ARSG: variants seen among roughly 807,000 people sequenced by gnomAD.
ARSG encodes arylsulfatase G.
ARSG carries 37 observed loss-of-function variants against 50.5 expected under a neutral mutation model. The observed-to-expected ratio is 0.73, with a 90% CI of 0.56 to 0.96. The LOEUF (loss-of-function observed/expected upper bound fraction) is 0.96, where lower values mean the gene tolerates loss of function less well. ARSG is among the 50% of genes least tolerant of loss of function. The pLI, the probability that ARSG is intolerant of heterozygous loss-of-function variation, is 0.00. For missense variants in ARSG, 629 were observed against 675.3 expected, an observed-to-expected ratio of 0.93 and a Z score of 0.76; for synonymous variants, 225 against 254.6, an observed-to-expected ratio of 0.88 and a Z score of 1.11.
At chr17:68,304,943 G>T (rs2076552503) in intron 1 of ARSG, among the ~76,000 whole-genome samples, 1 of 152,184 alleles carries the variant, frequency 6.6e-6, no homozygotes, top group South Asian at 2.1e-4. Flanking sequence ...AGAGGTTGAG[G>T]TGGGAGGATC....
intron 2 of ARSG, among the ~76,000 whole-genome samples, chr17:68,312,881 G>A (rs559849346): frequency 8.5e-5 from 13 of 152,266 alleles, no homozygotes; most frequent in African/African-American, 2.6e-4. Context: ...AAGCCACCAC[G>A]CCCGGTTCTG....
downstream of ARSG, chr17:68,421,382 GTCTC>G (rs958734856): frequency 5.7e-6 from 1 of 173,982 alleles, no homozygotes; most frequent in Non-Finnish European, 1.2e-5. Flanking sequence ...GGCTAAAAGA[GTCTC>G]TCTCTAAGTA....
At chr17:68,299,937 CT>C (rs34778190) in intron 1 of ARSG, among the ~76,000 whole-genome samples, 398 of 137,914 alleles carry the variant, frequency 2.9e-3, no homozygotes, top group East Asian at 7.0e-3. Context: ...TTTGGTATTG[CT>C]TTTTTTTTTT....
chr17:68,338,344 A>C (rs879734140), intron 2 of ARSG, among the ~76,000 whole-genome samples: 1 of 152,204 alleles, frequency 6.6e-6, no homozygotes, highest in Non-Finnish European at 1.5e-5. Context: ...GGGACTGGGC[A>C]CATTTTCCTC....
At chr17:68,288,907 C>T (rs189973133), upstream of ARSG, among the ~76,000 whole-genome samples, 2 of 152,310 alleles carry the variant, frequency 1.3e-5, no homozygotes, top group East Asian at 1.9e-4. Flanking sequence ...CCTTTTCCAA[C>T]TTACAAAACT....
At chr17:68,360,487 G>A (rs559561075) in intron 6 of ARSG, among the ~76,000 whole-genome samples, 3 of 152,324 alleles carry the variant, frequency 2.0e-5, no homozygotes, top group African/African-American at 7.2e-5. Context: ...TTTTACTTGG[G>A]TCTTTAGTTG....
intron 2 of ARSG, among the ~76,000 whole-genome samples, chr17:68,342,071 C>T (rs2078293303): frequency 6.6e-6 from 1 of 152,076 alleles, no homozygotes; most frequent in South Asian, 2.1e-4. Flanking sequence ...CCACCTGCCT[C>T]AGCCTCCCAA....
chr17:68,270,090 C>T (rs536779522), intron 1 of ARSG, among the ~76,000 whole-genome samples: 2 of 152,208 alleles, frequency 1.3e-5, no homozygotes, highest in African/African-American at 4.8e-5. Flanking sequence ...ATATTCTGTA[C>T]AAATCAGTTA....
At chr17:68,406,659 G>T (rs577000583) in intron 11 of ARSG, among the ~76,000 whole-genome samples, 75 of 152,160 alleles carry the variant, frequency 4.9e-4, no homozygotes, top group East Asian at 1.4e-3. Context: ...TTTCATGTTT[G>T]TTGGCCATTT....
At chr17:68,302,844 A>G (rs2076470289) in intron 1 of ARSG, among the ~76,000 whole-genome samples, 1 of 152,170 alleles carries the variant, frequency 6.6e-6, no homozygotes, top group African/African-American at 2.4e-5. Context: ...GATGGAGCAG[A>G]TGGGCCTTCG....
chr17:68,438,922 G>T, the ARSG span, among the ~76,000 whole-genome samples: 2 of 152,176 alleles, frequency 1.3e-5, no homozygotes, highest in Non-Finnish European at 2.9e-5. Context: ...TTTTAAAAAG[G>T]CTGTGTTAAA....
At chr17:68,426,254 G>GGGGGGCCCCCCCCCC, downstream of ARSG, 1 of 816,922 alleles carries the variant, frequency 1.2e-6, no homozygotes, top group Non-Finnish European at 1.9e-6. Flanking sequence ...GGGAGCGGGG[G>GGGGGGCCCCCCCCCC]CTCAAATAAA....
chr17:68,382,765 C>A (rs1157117821), intron 8 of ARSG, among the ~76,000 whole-genome samples: 1 of 152,206 alleles, frequency 6.6e-6, no homozygotes, highest in Non-Finnish European at 1.5e-5. Context: ...TTTACAATTG[C>A]CTGTTCACAC....
intron 1 of ARSG, among the ~76,000 whole-genome samples, chr17:68,282,391 T>C (rs548835496): frequency 9.2e-5 from 14 of 151,940 alleles, no homozygotes; most frequent in Non-Finnish European, 1.9e-4. Context: ...TTAGGAGATA[T>C]ACCTAATGTT....
intron 1 of ARSG, among the ~76,000 whole-genome samples, chr17:68,259,969 A>G (rs535313625): frequency 2.0e-4 from 31 of 152,338 alleles, no homozygotes; most frequent in African/African-American, 6.3e-4. Flanking sequence ...GAAAGGGTGT[A>G]TGTAGACACC....
the ARSG span, among the ~76,000 whole-genome samples, chr17:68,439,520 C>T: frequency 2.0e-5 from 3 of 151,874 alleles, no homozygotes; most frequent in Admixed American, 6.6e-5. Context: ...AGGTTTGGGG[C>T]GATGAAAATG....
At chr17:68,343,008 C>T (rs2078339109) in intron 2 of ARSG, among the ~76,000 whole-genome samples, 1 of 152,184 alleles carries the variant, frequency 6.6e-6, no homozygotes, top group African/African-American at 2.4e-5. Context: ...TAAGTAGGCA[C>T]ATTTGAAATG....
At chr17:68,390,337 C>A (rs866376133) in intron 9 of ARSG, among the ~76,000 whole-genome samples, 3 of 152,144 alleles carry the variant, frequency 2.0e-5, no homozygotes, top group African/African-American at 7.2e-5. Flanking sequence ...ATGCACCCTT[C>A]CTACGAACAA....
At chr17:68,379,421 A>ATTTTTTTTTTTTTTTTTTT (rs375841879) in intron 8 of ARSG, among the ~76,000 whole-genome samples, 1 of 72,268 alleles carries the variant, frequency 1.4e-5, no homozygotes, top group African/African-American at 6.3e-5. Flanking sequence ...GAACACTACA[A>ATTTTTTTTTTTTTTTTTTT]TTTTTTTTTT....
Sources: allele counts gnomAD v4.1 joint callset (sites outside exome capture counted in the v4.1 genomes callset), GRCh38; gene constraint gnomAD v4.1.1; transcripts MANE v1.5; gene names NCBI Gene and HGNC (gene_info 2026-07-23, HGNC 2026-07-21).